Variants in PCDHGA12 observed in about 807,000 individuals in gnomAD.
PCDHGA12 encodes protocadherin gamma-A12.
A neutral mutation model predicts 61.1 loss-of-function variants in PCDHGA12; 43 were observed. The observed-to-expected ratio is 0.70, with a 90% CI of 0.55 to 0.91. PCDHGA12 has a LOEUF of 0.91. Ranked by LOEUF, PCDHGA12 falls within the 40% of genes least tolerant of loss-of-function variation. The probability of loss-of-function intolerance (pLI) is 0.00; values close to 1 mark genes in which losing one functional copy is unlikely to be tolerated. For missense variants in PCDHGA12, 1,236 were observed against 1,227.7 expected (o/e 1.01, Z -0.10); for synonymous variants, 520 against 542.9 (o/e 0.96, Z 0.59).
intron 1 of PCDHGA12, among the ~76,000 whole-genome samples, chr5:141,434,609 G>T (rs189866750): frequency 1.3e-5 from 2 of 151,946 alleles, no homozygotes; most frequent in Non-Finnish European, 2.9e-5. Flanking sequence ...CTTTATTTCC[G>T]CCCATCTCTT....
chr5:141,430,584 G>A lies in PCDHGA12; in HGVS notation c.-176G>A, dbSNP rs1451886397. 6.1e-6 allele frequency: 3 copies of A among 495,136 alleles called. No homozygotes were observed. The highest frequency in any genetic ancestry group is 5.9e-5 in the African/African-American group (3 of 50,486). The allele number at this position is 495,136 out of a possible 1,614,324, so 30.7% of individuals were successfully genotyped here. A position where few individuals can be genotyped will look rare whatever the true frequency, so the allele number is the denominator to read the frequency against. On this transcript the variant is annotated 5_prime_UTR_variant, in exon 1 of 4. Transcript: ENST00000252085. Reference sequence around the variant, plus strand: ...GGAGAGAAAAGCGGAGATCCTGCTCGCCTTGCACGCGCCTGAAGCACAAAG... The same window carrying A: ...GGAGAGAAAAGCGGAGATCCTGCTCACCTTGCACGCGCCTGAAGCACAAAG...
chr5:141,488,705 G>T (rs1024064135), intron 1 of PCDHGA12, among the ~76,000 whole-genome samples: 1 of 152,200 alleles, frequency 6.6e-6, no homozygotes, highest in Non-Finnish European at 1.5e-5. Context: ...AGATTTTGCT[G>T]GTTCAAGCAA....
Position 141,486,970 on chromosome 5 carries a change from T to G in PCDHGA12, c.2425-7837T>G, listed in dbSNP as rs754309905. 1 of 1,614,050 alleles carries G rather than the reference T, an allele frequency of 6.2e-7. No individual in the cohort carries two copies. Among genetic ancestry groups the G allele is most frequent in the African/African-American group, 1.3e-5 (1 of 74,904 alleles). ...CAAAGGTGACTGCTGTGGACTTGGATTCAGGTTACAATGCTTGGGTTTCCT... is the reference window on the plus strand; with the variant it reads ...CAAAGGTGACTGCTGTGGACTTGGAGTCAGGTTACAATGCTTGGGTTTCCT... On this transcript the variant is annotated intron_variant, in intron 1 of 3. Coordinates refer to ENST00000252085, the MANE Select transcript of PCDHGA12 (RefSeq NM_003735.3). This position sits in a 1 kb window ranked among gnomAD's most constrained non-coding sequence, Gnocchi z 5.0.
chr5:141,431,907 T>A lies in PCDHGA12; in HGVS notation c.1148T>A (p.Ile383Asn), dbSNP rs2097427946. 2 of 1,613,964 alleles carry A rather than the reference T, an allele frequency of 1.2e-6. No homozygotes were observed. Among genetic ancestry groups the A allele is most frequent in the South Asian group, 2.2e-5 (2 of 91,086 alleles). Reference sequence around the variant, plus strand: ...GATTCTGAGGAAAACGGACAGGTGATCTGTTTCATCCAAGGAAATCTGCCC... The same window carrying A: ...GATTCTGAGGAAAACGGACAGGTGAACTGTTTCATCCAAGGAAATCTGCCC... ...DQDSEENGQVICFIQGNLPFK... is the reference protein window; with the variant it reads ...DQDSEENGQVNCFIQGNLPFK... Residue 383 changes from isoleucine (I) to asparagine (N), a missense_variant, in exon 1 of 4, where the codon ATC becomes AAC. Transcript: ENST00000252085. This position sits in a 1 kb window ranked among gnomAD's most constrained non-coding sequence, Gnocchi z 4.8.
rs181202785 is a variant in PCDHGA12, at chr5:141,458,320, G to A, written c.2424+25137G>A. On this transcript the variant is annotated intron_variant, in intron 1 of 3. Transcript: ENST00000252085. ...TTTAGATAAAATGACACAGACACAT[G>A]TGGAGTGGTTTTAAGGAGTGGAGAG... is the stretch of plus-strand genomic sequence containing the variant. Among the ~76,000 whole-genome samples the A allele has an allele frequency of 3.2e-3, 490 of 152,250 alleles. 4 individuals are homozygous for A. The highest frequency in any genetic ancestry group is 0.017 in the Middle Eastern group (5 of 294).
At chr5:141,452,895 A>G (rs527695680) in intron 1 of PCDHGA12, among the ~76,000 whole-genome samples, 16 of 152,312 alleles carry the variant, frequency 1.1e-4, no homozygotes, top group African/African-American at 3.6e-4. Flanking sequence ...TTCCACTTTT[A>G]TTAGTTGGCA....
intron 1 of PCDHGA12, among the ~76,000 whole-genome samples, chr5:141,463,318 C>A (rs2099056713): frequency 6.6e-6 from 1 of 151,878 alleles, no homozygotes; most frequent in East Asian, 1.9e-4. Flanking sequence ...ATATCTATTC[C>A]TCAACTCAGC....
At chr5:141,458,632 C>T (rs779075931) in intron 1 of PCDHGA12, among the ~76,000 whole-genome samples, 1 of 151,898 alleles carries the variant, frequency 6.6e-6, no homozygotes, top group Non-Finnish European at 1.5e-5. Context: ...TGCAGTGGCA[C>T]AATCCCAGCT....
intron 1 of PCDHGA12, among the ~76,000 whole-genome samples, chr5:141,453,710 A>C (rs988115758): frequency 3.9e-5 from 6 of 152,242 alleles, no homozygotes; most frequent in African/African-American, 1.4e-4. Context: ...GAACAGTTTC[A>C]CTATAAAAAT....
rs139344941 is a variant in PCDHGA12, at chr5:141,480,950, C to T, written c.2425-13857C>T. Among the ~76,000 whole-genome samples the T allele has an allele frequency of 6.7e-3, 1,016 of 152,086 alleles. 11 individuals carry two copies. Among genetic ancestry groups the T allele is most frequent in the African/African-American group, 0.023 (953 of 41,456 alleles). On this transcript the variant is annotated intron_variant, in intron 1 of 3. Transcript: ENST00000252085. ...GTCCCAGCTACTCTAGAGGCTGAGG[C>T]GGAAGCATCAGTGAGGGAGAATCAG...
At chr5:141,500,438 T>C (rs977844035) in intron 2 of PCDHGA12, among the ~76,000 whole-genome samples, 2 of 151,816 alleles carry the variant, frequency 1.3e-5, no homozygotes, top group African/African-American at 4.8e-5. Flanking sequence ...CTCGATCTCC[T>C]GACCTCGTGA....
At position 141,489,436 on chromosome 5, in the gene PCDHGA12, T is replaced by C. The variant is rs1002519; in HGVS notation, c.2425-5371T>C. 0.23 allele frequency: 369,130 copies of C among 1,613,832 alleles called. 44,340 individuals are homozygous for C. The highest frequency in any genetic ancestry group is 0.38 in the Admixed American group (23,024 of 60,000). On this transcript the variant is annotated intron_variant, in intron 1 of 3. Transcript: ENST00000252085. The surrounding 1 kb of genome is among the most constrained non-coding windows in gnomAD (Gnocchi z 4.5). ...AGATCTGTTGAGCCGGCGGCTGCAATTGGGCTCTGAGGAGAATGGGCGCTA... is the reference window on the plus strand; with the variant it reads ...AGATCTGTTGAGCCGGCGGCTGCAACTGGGCTCTGAGGAGAATGGGCGCTA...
intron 1 of PCDHGA12, among the ~76,000 whole-genome samples, chr5:141,442,917 G>A (rs1041756930): frequency 6.6e-6 from 1 of 152,178 alleles, no homozygotes; most frequent in Non-Finnish European, 1.5e-5. Context: ...GCACACAACT[G>A]TTTCATTTTC....
At position 141,491,093 on chromosome 5, in the gene PCDHGA12, T is replaced by G; in HGVS notation, c.2425-3714T>G. The G allele has an allele frequency of 6.2e-7, 1 of 1,614,160 alleles. No individual in the cohort carries two copies. The highest frequency in any genetic ancestry group is 8.5e-7 in the Non-Finnish European group (1 of 1,180,008). On this transcript the variant is annotated intron_variant, in intron 1 of 3. Transcript: ENST00000252085. This position sits in a 1 kb window ranked among gnomAD's most constrained non-coding sequence, Gnocchi z 6.9. ...TTGCCACAGTCCACAGCCCCAGGAC[T>G]GTTCCTCGTGTCTACACACACTGGT... is the stretch of plus-strand genomic sequence containing the variant.
Position 141,493,022 on chromosome 5 carries a change from G to T in PCDHGA12, c.2425-1785G>T, listed in dbSNP as rs1184742888. ...GCTATAGGCTCTGCCAGATGCCAGG[G>T]TGCCCTTATGTGTGAGGAAACTACA... On this transcript the variant is annotated intron_variant, in intron 1 of 3. Transcript: ENST00000252085. The surrounding 1 kb of genome is among the most constrained non-coding windows in gnomAD (Gnocchi z 4.3). Among the ~76,000 whole-genome samples the T allele has an allele frequency of 1.3e-5, 2 of 152,222 alleles. No individual in the cohort carries two copies. Among genetic ancestry groups the T allele is most frequent in the Admixed American group, 1.3e-4 (2 of 15,282 alleles).
chr5:141,441,905 C>G, intron 1 of PCDHGA12: 1 of 348,464 alleles, frequency 2.9e-6, no homozygotes, highest in Non-Finnish European at 5.5e-6. Flanking sequence ...GCTGTAGACG[C>G]AGATGTGAGA....
Position 141,512,738 on chromosome 5 carries a change from C to A in PCDHGA12, c.*1565C>A, listed in dbSNP as rs1350606944. 2 of 152,840 alleles carry A rather than the reference C, an allele frequency of 1.3e-5. No individual in the cohort carries two copies. The highest frequency in any genetic ancestry group is 2.1e-4 in the South Asian group (1 of 4,838). The allele number at this position is 152,840 out of a possible 1,614,324, so 9.5% of individuals were successfully genotyped here. A position where few individuals can be genotyped will look rare whatever the true frequency, so the allele number is the denominator to read the frequency against. On this transcript the variant is annotated 3_prime_UTR_variant, in exon 4 of 4. Transcript: ENST00000252085. ...TGGCGGGTGGGCAGCGGGCGGCGGG[C>A]TCCGCGCAGCCGTCTGTCCTTGATC...
In PCDHGA12 at chr5:141,477,798, A is replaced by G; in HGVS notation, c.2425-17009A>G. On this transcript the variant is annotated intron_variant, in intron 1 of 3. Transcript: ENST00000252085. The surrounding 1 kb of genome is among the most constrained non-coding windows in gnomAD (Gnocchi z 4.9). ...GTGAACATATTTGTCACTGATCGCA[A>G]TGACAATGCCCCCCAGGTCCTATAT... The G allele has an allele frequency of 6.2e-7, 1 of 1,614,140 alleles. No homozygotes were observed. The highest frequency in any genetic ancestry group is 8.5e-7 in the Non-Finnish European group (1 of 1,180,038).
intron 1 of PCDHGA12, among the ~76,000 whole-genome samples, chr5:141,458,664 G>A (rs544369246): frequency 6.6e-6 from 1 of 152,196 alleles, no homozygotes; most frequent in African/African-American, 2.4e-5. Context: ...CCACCTCTCG[G>A]GTTCAAGCAA....
Sources: allele counts gnomAD v4.1 joint callset (sites outside exome capture counted in the v4.1 genomes callset), GRCh38; gene constraint gnomAD v4.1.1; non-coding constraint Gnocchi (gnomAD v3.1); transcripts MANE v1.5; gene names NCBI Gene and HGNC (gene_info 2026-07-23, HGNC 2026-07-21).